EDARADD: variants seen among roughly 807,000 people sequenced by gnomAD.
EDARADD encodes the protein EDAR associated via death domain.
EDARADD carries 20 observed loss-of-function variants against 25.6 expected under a neutral mutation model. That is an observed-to-expected ratio of 0.78 (90% CI 0.55 to 1.14). EDARADD has a LOEUF of 1.14. Among genes scored for constraint, EDARADD ranks in the 50% most tolerant of loss-of-function variants. The probability of loss-of-function intolerance (pLI) is 0.00; values close to 1 mark genes in which losing one functional copy is unlikely to be tolerated. For synonymous variants in EDARADD, 86 were observed against 94.4 expected (o/e 0.91, Z 0.52); for missense variants, 225 against 270.1 (o/e 0.83, Z 1.17).
intron 4 of EDARADD, among the ~76,000 whole-genome samples, chr1:236,454,255 A>G (rs1658793396): frequency 1.3e-5 from 2 of 152,044 alleles, no homozygotes; most frequent in African/African-American, 4.8e-5. Context: ...TCACCCTGTT[A>G]GCCAAGATGG....
At chr1:236,374,443 A>G (rs1472165706) in intron 3 of EDARADD, among the ~76,000 whole-genome samples, 2 of 151,856 alleles carry the variant, frequency 1.3e-5, no homozygotes, top group African/African-American at 2.4e-5. Flanking sequence ...TAATTTTTTT[A>G]TTTTTAGTAG....
At chr1:236,437,150 C>T (rs570195134) in intron 4 of EDARADD, among the ~76,000 whole-genome samples, 1 of 152,298 alleles carries the variant, frequency 6.6e-6, no homozygotes, top group African/African-American at 2.4e-5. Flanking sequence ...GGCAAGTACA[C>T]TAAGAAAATC....
chr1:236,425,865 T>C (rs1243428866), intron 3 of EDARADD, among the ~76,000 whole-genome samples: 2 of 152,228 alleles, frequency 1.3e-5, no homozygotes, highest in African/African-American at 4.8e-5. Context: ...ATTAGTGAAG[T>C]TGGTTAGCCG....
chr1:236,397,368 C>T (rs760880723), intron 1 of EDARADD, among the ~76,000 whole-genome samples: 1 of 152,028 alleles, frequency 6.6e-6, no homozygotes, highest in Non-Finnish European at 1.5e-5. Context: ...CACTGCACTC[C>T]AGCCTGGGTG....
At chr1:236,454,775 C>T (rs1658810939) in intron 4 of EDARADD, among the ~76,000 whole-genome samples, 1 of 152,244 alleles carries the variant, frequency 6.6e-6, no homozygotes, top group African/African-American at 2.4e-5. Context: ...TTGTTACCAC[C>T]TGCTGCTGGG....
chr1:236,378,274 A>G (rs747174164), intron 3 of EDARADD, among the ~76,000 whole-genome samples: 3 of 152,222 alleles, frequency 2.0e-5, no homozygotes, highest in Non-Finnish European at 4.4e-5. Context: ...TCCCTCTTCT[A>G]CAAACACAAG....
intron 4 of EDARADD, among the ~76,000 whole-genome samples, chr1:236,460,313 T>C (rs1202213953): frequency 6.6e-6 from 1 of 151,018 alleles, no homozygotes; most frequent in Non-Finnish European, 1.5e-5. Flanking sequence ...GCCTCCCACA[T>C]AGCTAGGACT....
At chr1:236,384,014 A>G (rs1667328049) in intron 3 of EDARADD, among the ~76,000 whole-genome samples, 1 of 152,190 alleles carries the variant, frequency 6.6e-6, no homozygotes, top group African/African-American at 2.4e-5. Context: ...AAAAAATAAA[A>G]TAAAATAAAA....
intron 4 of EDARADD, among the ~76,000 whole-genome samples, chr1:236,436,624 CAAA>C (rs5781885): frequency 1.1e-5 from 1 of 94,228 alleles, no homozygotes. Flanking sequence ...AAGATCTTGT[CAAA>C]AAAAAAAAAA....
In EDARADD at chr1:236,427,428, G is replaced by A. The variant is rs1163649519; in HGVS notation, c.197G>A (p.Arg66Gln). The A allele has an allele frequency of 1.7e-5, 28 of 1,610,794 alleles. No individual in the cohort carries two copies. Among genetic ancestry groups the A allele is most frequent in the South Asian group, 6.6e-5 (6 of 90,254 alleles). ...GATACAATTACTTTGAACTGCCCAC[G>A]AAATTCAGATATGAAAAATCAGGTA... ...ECDTITLNCP[R>Q]NSDMKNQGEE... is the part of the protein sequence containing the mutation. The change falls in exon 4 of 6, where the codon CGA (arginine) becomes CAA (glutamine). Residue 66 changes from arginine to glutamine, a missense_variant. Transcript: ENST00000334232.
At chr1:236,429,544 A>ATTTTTT (rs34501977) in intron 4 of EDARADD, among the ~76,000 whole-genome samples, 16 of 144,572 alleles carry the variant, frequency 1.1e-4, no homozygotes, top group East Asian at 1.0e-3. Flanking sequence ...TGACCCGCTA[A>ATTTTTT]TTTTTTTTTT....
chr1:236,382,220 A>G (rs1164507148), intron 3 of EDARADD, among the ~76,000 whole-genome samples: 1 of 151,738 alleles, frequency 6.6e-6, no homozygotes, highest in Non-Finnish European at 1.5e-5. Context: ...TTTCCCTTCA[A>G]TTTCTATGTC....
At chr1:236,467,107 A>G (rs1343079905) in intron 4 of EDARADD, among the ~76,000 whole-genome samples, 1 of 151,828 alleles carries the variant, frequency 6.6e-6, no homozygotes, top group Non-Finnish European at 1.5e-5. Context: ...CATTGACACC[A>G]GGACGGAGTT....
chr1:236,371,639 G>A (rs1007139145), intron 3 of EDARADD, among the ~76,000 whole-genome samples: 3 of 150,356 alleles, frequency 2.0e-5, no homozygotes, highest in East Asian at 2.0e-4. Context: ...GCACGATCTC[G>A]GCTCACTGCA....
chr1:236,386,833 GC>G (rs1231034323), intron 3 of EDARADD, among the ~76,000 whole-genome samples: 46 of 68,946 alleles, frequency 6.7e-4, no homozygotes, highest in East Asian at 3.6e-3. Flanking sequence ...GGGGGGGTCA[GC>G]CCCCCGCCCG....
chr1:236,405,863 TTCCTTCCTTCC>T (rs1558112731), intron 1 of EDARADD, among the ~76,000 whole-genome samples: 12 of 57,982 alleles, frequency 2.1e-4, no homozygotes, highest in African/African-American at 7.8e-4. Context: ...CCTTCCTTCC[TTCCTTCCTTCC>T]TTCTTTCTTT....
At chr1:236,353,881 A>G (rs930546997) in intron 3 of EDARADD, among the ~76,000 whole-genome samples, 1 of 150,902 alleles carries the variant, frequency 6.6e-6, no homozygotes, top group African/African-American at 2.4e-5. Flanking sequence ...CTCTTTCCTT[A>G]AAAAAAAAGT....
At position 236,395,584 on chromosome 1, in the gene EDARADD, G is replaced by A; in HGVS notation, c.61+1079G>A. 3 of 1,546,918 alleles carry A rather than the reference G, an allele frequency of 1.9e-6. No individual in the cohort carries two copies. Among genetic ancestry groups the A allele is most frequent in the Middle Eastern group, 1.7e-4 (1 of 5,820 alleles). On this transcript the variant is annotated intron_variant, in intron 1 of 5. Transcript: ENST00000334232. This position sits in a 1 kb window ranked among gnomAD's most constrained non-coding sequence, Gnocchi z 6.9. ...CCCACGGTCCTCCCGCGCCCCGGAGGCCTGCCAGCCCCGCTCGGACGCTCG... is the reference window on the plus strand; with the variant it reads ...CCCACGGTCCTCCCGCGCCCCGGAGACCTGCCAGCCCCGCTCGGACGCTCG...
intron 2 of EDARADD, among the ~76,000 whole-genome samples, chr1:236,413,641 T>C (rs955452468): frequency 6.6e-6 from 1 of 152,222 alleles, no homozygotes; most frequent in South Asian, 2.1e-4. Context: ...GATATCGGCA[T>C]GTAAGTATGA....
Sources: allele counts gnomAD v4.1 joint callset (sites outside exome capture counted in the v4.1 genomes callset), GRCh38; gene constraint gnomAD v4.1.1; non-coding constraint Gnocchi (gnomAD v3.1); transcripts MANE v1.5; gene names NCBI Gene and HGNC (gene_info 2026-07-23, HGNC 2026-07-21).